The following COBL variants were observed in gnomAD, a reference collection of about 807,000 sequenced individuals.
COBL encodes the protein protein cordon-bleu.
Under a neutral mutation model 98.8 loss-of-function variants are expected in COBL, and 51 were observed. The ratio of observed to expected loss-of-function variants is 0.52; its 90% confidence interval spans 0.41 to 0.65. The LOEUF is 0.65. COBL is among the 30% of genes least tolerant of loss of function. The probability of loss-of-function intolerance (pLI) is 0.00; values close to 1 mark genes in which losing one functional copy is unlikely to be tolerated. For missense variants in COBL, 1,617 were observed against 1,617.5 expected (o/e 1.00, Z 0.01); for synonymous variants, 634 against 651.7 (o/e 0.97, Z 0.41).
intron 5 of COBL, among the ~76,000 whole-genome samples, chr7:51,170,805 TAC>T (rs1194497993): frequency 2.0e-5 from 3 of 151,996 alleles, no homozygotes; most frequent in Admixed American, 6.6e-5. Context: ...GGTACAATGT[TAC>T]AGTTAGACAA....
intron 1 of COBL, among the ~76,000 whole-genome samples, chr7:51,297,281 C>A (rs1466669835): frequency 6.6e-6 from 1 of 152,116 alleles, no homozygotes; most frequent in Non-Finnish European, 1.5e-5. Flanking sequence ...GGAATCACAC[C>A]AGGTGTTAAC....
rs1376623217 is a variant in COBL, at chr7:51,219,978, T to C, written c.42-34A>G. 5.7e-6 allele frequency: 9 copies of C among 1,587,276 alleles called. No individual in the cohort carries two copies. In the African/African-American group the frequency reaches 9.4e-5, roughly 17 times the overall value. On this transcript the variant is annotated intron_variant, in intron 1 of 12. Coordinates refer to ENST00000265136, the MANE Select transcript of COBL (RefSeq NM_015198.5). ...CAACAACACAAAGGCACAGAGTCAG[T>C]GGCAATGTTCCTACCTGCCTCGGAA...
intron 7 of COBL, chr7:51,083,109 T>C (rs1793834167): frequency 6.6e-7 from 1 of 1,506,634 alleles, no homozygotes; most frequent in Non-Finnish European, 8.8e-7. Context: ...CCGGGAAAGC[T>C]GAGAGGCTCC....
intron 12 of COBL, among the ~76,000 whole-genome samples, chr7:51,019,977 T>A (rs739826): frequency 0.18 from 27,846 of 152,216 alleles, 2,808 homozygotes; most frequent in East Asian, 0.29. Context: ...ACATGTCTAA[T>A]CATTTCTTAC....
chr7:51,263,889 G>A (rs1797938968), intron 1 of COBL, among the ~76,000 whole-genome samples: 1 of 152,194 alleles, frequency 6.6e-6, no homozygotes. Flanking sequence ...TTTCAAATGA[G>A]GACAGGAGAT....
At chr7:51,187,881 CAGCGGG>C in intron 4 of COBL, 1 of 1,230,830 alleles carries the variant, frequency 8.1e-7, no homozygotes, top group Non-Finnish European at 1.0e-6. Flanking sequence ...TGCAGCCTCA[CAGCGGG>C]AGCGGGAAGC....
Position 51,316,732 on chromosome 7 carries a change from T to C in COBL, c.-99A>G. The C allele has an allele frequency of 2.3e-6, 2 of 865,632 alleles. No individual in the cohort carries two copies. Among genetic ancestry groups the C allele is most frequent in the Non-Finnish European group, 1.5e-6 (1 of 670,936 alleles). The allele number at this position is 865,632 out of a possible 1,614,324, so 53.6% of individuals were successfully genotyped here. On this transcript the variant is annotated 5_prime_UTR_variant, in exon 1 of 13. Coordinates refer to ENST00000265136, the MANE Select transcript of COBL (RefSeq NM_015198.5). ...CCGCCCTCATTCACTTTTTCCGCGCTGACCCATCGTCCTCCCACGCGGGCC... is the reference window on the plus strand; with the variant it reads ...CCGCCCTCATTCACTTTTTCCGCGCCGACCCATCGTCCTCCCACGCGGGCC...
intron 7 of COBL, chr7:51,065,274 G>C (rs1156637301): frequency 2.8e-6 from 2 of 703,326 alleles, no homozygotes; most frequent in African/African-American, 3.5e-5. Context: ...AGAGAAGGCT[G>C]AGCAGTGACT....
chr7:51,155,589 CAAAAAAAAAA>C (rs58500324), intron 5 of COBL, among the ~76,000 whole-genome samples: 24 of 30,788 alleles, frequency 7.8e-4, no homozygotes, highest in African/African-American at 2.8e-3. Context: ...GACTCCATCT[CAAAAAAAAAA>C]AAAAAAAAAA....
chr7:51,060,553 G>A (rs1791235281), intron 7 of COBL, among the ~76,000 whole-genome samples: 1 of 152,126 alleles, frequency 6.6e-6, no homozygotes, highest in Non-Finnish European at 1.5e-5. Flanking sequence ...GAGGGCTCGG[G>A]TGATGTTCTC....
At chr7:51,219,119 C>T (rs1793368677) in intron 2 of COBL, among the ~76,000 whole-genome samples, 1 of 152,276 alleles carries the variant, frequency 6.6e-6, no homozygotes, top group East Asian at 1.9e-4. Context: ...AATGTTTCAG[C>T]CGCACCTTTT....
At chr7:51,159,211 G>A (rs903284946) in intron 5 of COBL, among the ~76,000 whole-genome samples, 2 of 152,178 alleles carry the variant, frequency 1.3e-5, no homozygotes, top group African/African-American at 4.8e-5. Flanking sequence ...GAGGTGGGGA[G>A]GAGGCTTTGG....
intron 1 of COBL, among the ~76,000 whole-genome samples, chr7:51,225,015 G>A (rs956898958): frequency 2.6e-5 from 4 of 152,170 alleles, no homozygotes; most frequent in African/African-American, 7.2e-5. Context: ...TGGACTGTGT[G>A]TGTGGATGGC....
At chr7:51,311,683 T>C (rs996848407) in intron 1 of COBL, among the ~76,000 whole-genome samples, 8 of 151,868 alleles carry the variant, frequency 5.3e-5, no homozygotes. Context: ...AACACTCAAG[T>C]GACAAGGTGG....
intron 1 of COBL, among the ~76,000 whole-genome samples, chr7:51,295,332 C>T (rs1008093379): frequency 6.7e-6 from 1 of 149,814 alleles, no homozygotes; most frequent in African/African-American, 2.5e-5. Flanking sequence ...GTGTAGCAAA[C>T]CACCATGGCA....
At position 51,193,602 on chromosome 7, in the gene COBL, A is replaced by C. The variant is rs1213389976; in HGVS notation, c.246-13T>G. The C allele has an allele frequency of 6.2e-7, 1 of 1,611,906 alleles. No homozygotes were observed. The highest frequency in any genetic ancestry group is 1.3e-5 in the African/African-American group (1 of 74,912). Reference sequence around the variant, plus strand: ...CATCATCGCATGGCTGAAAAAAGGAAAACAAATCATGATTATTAGGAATGA... The same window carrying C: ...CATCATCGCATGGCTGAAAAAAGGACAACAAATCATGATTATTAGGAATGA... On this transcript the variant is annotated splice_polypyrimidine_tract_variant and intron_variant, in intron 2 of 12. Transcript: ENST00000265136.
At chr7:51,272,367 T>C (rs900085456) in intron 1 of COBL, among the ~76,000 whole-genome samples, 4 of 152,148 alleles carry the variant, frequency 2.6e-5, no homozygotes, top group African/African-American at 9.7e-5. Context: ...ATTCATAGTG[T>C]ATGTTTCATC....
chr7:51,132,436 C>G (rs928742649), intron 6 of COBL, among the ~76,000 whole-genome samples: 4 of 152,218 alleles, frequency 2.6e-5, no homozygotes, highest in African/African-American at 9.6e-5. Context: ...CTTACTGTTC[C>G]CATTTTACAG....
intron 5 of COBL, among the ~76,000 whole-genome samples, chr7:51,175,769 G>A (rs1445925013): frequency 6.6e-6 from 1 of 152,204 alleles, no homozygotes; most frequent in Admixed American, 6.5e-5. Flanking sequence ...CTTGCCTGAT[G>A]GCAGAGAGGC....
Sources: gnomAD v4.1 joint callset for allele counts (sites outside exome capture counted in the v4.1 genomes callset) on GRCh38, gnomAD v4.1.1 for gene constraint, MANE v1.5 for transcripts, NCBI Gene and HGNC (gene_info 2026-07-23, HGNC 2026-07-21) for gene names.